The following MZF1 variants were observed in gnomAD, a reference collection of about 807,000 sequenced individuals.
MZF1 encodes the protein myeloid zinc finger 1.
In MZF1, 24 loss-of-function variants were observed where a neutral mutation model predicts 28.6. That is an observed-to-expected ratio of 0.84 (90% CI 0.61 to 1.18). The LOEUF is 1.18. Among genes scored for constraint, MZF1 ranks in the 50% most tolerant of loss-of-function variants. The pLI, the probability that MZF1 is intolerant of heterozygous loss-of-function variation, is 0.00. For synonymous variants in MZF1, 516 were observed against 432.5 expected (o/e 1.19, Z -2.40); for missense variants, 1,166 against 1,026.4 (o/e 1.14, Z -1.86).
intron 3 of MZF1, chr19:58,570,102 TC>T: frequency 2.2e-6 from 1 of 457,114 alleles, no homozygotes; most frequent in South Asian, 3.8e-5. Context: ...AACAGCCTGC[TC>T]CATGCCATGG....
chr19:58,563,249 C>G lies in MZF1; in HGVS notation c.1028G>C (p.Arg343Pro). Residue 343 changes from arginine to proline, a missense_variant, in exon 6 of 6, where the codon CGG becomes CCG. Transcript: ENST00000215057. ...TRWRSPRGRS[R>P]GRPSTGGGVV... is the part of the protein sequence containing the mutation. ...CCCGCCCCCAGTGCTGGGGCGGCCC[C>G]GGCTCCGGCCCCTGGGGGAGCGCCA... The G allele has an allele frequency of 1.2e-6, 2 of 1,607,676 alleles. No homozygotes were observed. Among genetic ancestry groups the G allele is most frequent in the Non-Finnish European group, 8.5e-7 (1 of 1,177,512 alleles).
Position 58,563,317 on chromosome 19 carries a change from C to G in MZF1, c.960G>C (p.Glu320Asp). 6.2e-7 allele frequency: 1 copy of G among 1,609,152 alleles called. No individual in the cohort carries two copies. The highest frequency in any genetic ancestry group is 8.5e-7 in the Non-Finnish European group (1 of 1,178,162). Residue 320 changes from glutamate (E) to aspartate (D), a missense_variant, in exon 6 of 6, where the codon GAG (glutamate) becomes GAC (aspartate). By Grantham distance (45) the Glu-to-Asp change is conservative. Transcript: ENST00000215057. ...CAGGGCCCACACCCCGGCAGGGATC[C>G]TCGTCCGTGGGGTCCTGTTCACTCC... ...DLRSEQDPTD[E>D]DPCRGVGPAL...
At chr19:58,565,023 C>G (rs1047811916) in intron 5 of MZF1, among the ~76,000 whole-genome samples, 1 of 141,862 alleles carries the variant, frequency 7.0e-6, no homozygotes, top group Non-Finnish European at 1.5e-5. Flanking sequence ...CGGGTTCAAG[C>G]GATTCTGCTG....
Position 58,562,512 on chromosome 19 carries a change from G to A in MZF1, c.1765C>T (p.Arg589Cys), listed in dbSNP as rs1357165162. The A allele has an allele frequency of 6.2e-7, 1 of 1,609,282 alleles. No homozygotes were observed. Among genetic ancestry groups the A allele is most frequent in the South Asian group, 1.1e-5 (1 of 90,626 alleles). ...AAGGGTTTCTCGCCCGTGTGTACGC[G>A]GAGATGCTGCGTGAGCGTAGGCCGC... is the stretch of plus-strand genomic sequence containing the variant. ...RQRPTLTQHL[R>C]VHTGEKPFAC... is the part of the protein sequence containing the mutation. The change falls in exon 6 of 6, where the codon CGC becomes TGC. Residue 589 changes from arginine to cysteine, a missense_variant. By Grantham distance (180) the Arg-to-Cys change is radical. Coordinates refer to ENST00000215057, the MANE Select transcript of MZF1 (RefSeq NM_198055.2).
intron 5 of MZF1, 32 bp from the exon 6 acceptor site, chr19:58,563,536 C>G (rs371276406): frequency 1.4e-5 from 21 of 1,475,164 alleles, no homozygotes; most frequent in East Asian, 2.5e-5. Context: ...TCATTCATGA[C>G]AGAATGCCCA....
rs1253286923 is a variant in MZF1, at chr19:58,564,900, G to GTTTTTTTTTT, written c.773-1397_773-1396insAAAAAAAAAA. Among the ~76,000 whole-genome samples, 10 of 69,382 alleles carry GTTTTTTTTTT rather than the reference G, an allele frequency of 1.4e-4. 1 individual carries two copies. Among genetic ancestry groups the GTTTTTTTTTT allele is most frequent in the African/African-American group, 6.5e-4 (9 of 13,858 alleles). 45.5% of individuals were successfully genotyped at this position (69,382 alleles called of 152,430 possible). A position where few individuals can be genotyped will look rare whatever the true frequency, so the allele number is the denominator to read the frequency against. ...GGGTGGAGAATAAGCATCCATGTGT[G>GTTTTTTTTTT]TGTTTTTTTTTTTTTTTTTTTTTTT... On this transcript the variant is annotated intron_variant, in intron 5 of 5. Coordinates refer to ENST00000215057, the MANE Select transcript of MZF1 (RefSeq NM_198055.2).
At chr19:58,565,520 A>T (rs551471119) in intron 5 of MZF1, among the ~76,000 whole-genome samples, 8 of 145,928 alleles carry the variant, frequency 5.5e-5, no homozygotes, top group Non-Finnish European at 7.5e-5. Flanking sequence ...GTGAGCCACC[A>T]CGCCCAGCCC....
rs2054196613 is a variant in MZF1 at position 58,573,056 on chromosome 19, T to G, written c.-42A>C. Reference sequence around the variant, plus strand: ...CGGTTAAGAGGACCCCGCCCTCACCTCTGCGCTCAGCGGGCCGCTCCGCGC... The same window carrying G: ...CGGTTAAGAGGACCCCGCCCTCACCGCTGCGCTCAGCGGGCCGCTCCGCGC... On this transcript the variant is annotated splice_region_variant and 5_prime_UTR_variant, in exon 1 of 6. Coordinates refer to ENST00000215057, the MANE Select transcript of MZF1 (RefSeq NM_198055.2). The G allele has an allele frequency of 6.5e-6, 1 of 154,596 alleles. No individual in the cohort carries two copies. The highest frequency in any genetic ancestry group is 1.4e-5 in the Non-Finnish European group (1 of 69,438). 9.6% of individuals were successfully genotyped at this position (154,596 alleles called of 1,614,324 possible). A position where few individuals can be genotyped will look rare whatever the true frequency, so the allele number is the denominator to read the frequency against.
At chr19:58,570,182 T>C in intron 3 of MZF1, 162 bp downstream of exon 3, 1 of 706,932 alleles carries the variant, frequency 1.4e-6, no homozygotes, top group Non-Finnish European at 2.3e-6. Context: ...CTGGCTGCGG[T>C]GGAGGGGAGA....
intron 3 of MZF1, chr19:58,570,057 C>G (rs1256774163): frequency 1.3e-5 from 5 of 372,956 alleles, no homozygotes. Flanking sequence ...TCCTTGGGGA[C>G]TGAACACCAC....
At chr19:58,570,698 G>A (rs2054143589) in intron 2 of MZF1, 171 bp from the exon 3 acceptor site, 7 of 732,342 alleles carry the variant, frequency 9.6e-6, no homozygotes, top group Admixed American at 2.9e-5. Context: ...AAAGAATGAA[G>A]GGACCACCTG....
chr19:58,570,249 A>T, intron 3 of MZF1, 95 bp downstream of exon 3: 1 of 1,335,204 alleles, frequency 7.5e-7, no homozygotes, highest in Non-Finnish European at 1.0e-6. Context: ...CATTTATAAC[A>T]AACCTGGCCC....
chr19:58,563,417 C>G lies in MZF1; in HGVS notation c.860G>C (p.Gly287Ala). ...GGGTGATTGGATCTGGCCAGAAAGG[C>G]CAGCCATGCCGAGGTCCCAGGGGAC... ...LHVPWDLGMA[G>A]LSGQIQSPSR... is the part of the protein sequence containing the mutation. The change falls in exon 6 of 6, where the codon GGC (glycine) becomes GCC (alanine). Residue 287 changes from glycine (G) to alanine (A), a missense_variant. By Grantham distance (60) the Gly-to-Ala change is moderately conservative (BLOSUM62 0). Transcript: ENST00000215057. 6.3e-7 allele frequency: 1 copy of G among 1,592,930 alleles called. No individual in the cohort carries two copies. The highest frequency in any genetic ancestry group is 8.5e-7 in the Non-Finnish European group (1 of 1,169,760).
chr19:58,571,572 C>A, intron 1 of MZF1, 143 bp from the exon 2 acceptor site: 1 of 757,366 alleles, frequency 1.3e-6, no homozygotes. Context: ...CCATCTACAA[C>A]CCACAGACTT....
At chr19:58,572,806 C>T (rs1013469568) in intron 1 of MZF1, 1 of 379,112 alleles carries the variant, frequency 2.6e-6, no homozygotes, top group East Asian at 7.9e-5. Flanking sequence ...GCGGCAACTT[C>T]CGCTCCAGGG....
chr19:58,565,530 CGTGT>C (rs747375973), intron 5 of MZF1, among the ~76,000 whole-genome samples: 2 of 150,106 alleles, frequency 1.3e-5, no homozygotes, highest in African/African-American at 2.5e-5. Flanking sequence ...ACGCCCAGCC[CGTGT>C]GTGTGTGTGC....
chr19:58,563,404 C>G lies in MZF1; in HGVS notation c.873G>C (p.Gln291His). 1 of 1,597,646 alleles carries G rather than the reference C, an allele frequency of 6.3e-7. No homozygotes were observed. Among genetic ancestry groups the G allele is most frequent in the Non-Finnish European group, 8.5e-7 (1 of 1,172,096 alleles). The change falls in exon 6 of 6, where the codon CAG becomes CAC. Residue 291 changes from glutamine (Q) to histidine (H), a missense_variant. Physicochemically the swap from Gln to His is conservative, Grantham distance 24. Coordinates refer to ENST00000215057, the MANE Select transcript of MZF1 (RefSeq NM_198055.2). ...WDLGMAGLSG[Q>H]IQSPSREGGF... ...CACCTTCGCGGGAGGGTGATTGGATCTGGCCAGAAAGGCCAGCCATGCCGA... is the reference window on the plus strand; with the variant it reads ...CACCTTCGCGGGAGGGTGATTGGATGTGGCCAGAAAGGCCAGCCATGCCGA...
chr19:58,571,632 C>T (rs1057486276), intron 1 of MZF1: 17 of 556,398 alleles, frequency 3.1e-5, no homozygotes, highest in African/African-American at 7.5e-5. Flanking sequence ...GTCTTCTCTC[C>T]GCTTGGGCCT....
chr19:58,573,009 C>G (rs1282386246), intron 1 of MZF1, 46 bp downstream of exon 1: 1 of 175,556 alleles, frequency 5.7e-6, no homozygotes, highest in Non-Finnish European at 1.3e-5. Context: ...AGCCACCGCC[C>G]CCGTCCACAC....
Sources: gnomAD v4.1 joint callset for allele counts (sites outside exome capture counted in the v4.1 genomes callset) on GRCh38, gnomAD v4.1.1 for gene constraint, MANE v1.5 for transcripts, NCBI Gene and HGNC (gene_info 2026-07-23, HGNC 2026-07-21) for gene names.